Variants in PTPRD observed in about 807,000 individuals in gnomAD.
PTPRD encodes the protein protein tyrosine phosphatase receptor type D.
Under a neutral mutation model 214.5 loss-of-function variants are expected in PTPRD, and 34 were observed. That is an observed-to-expected ratio of 0.16 (90% CI 0.12 to 0.21). The LOEUF is 0.21. PTPRD is among the 10% of genes least tolerant of loss of function. The pLI is 1.00. For missense variants in PTPRD, 2,545 were observed against 2,398.7 expected (o/e 1.06, Z -1.27); for synonymous variants, 1,128 against 845.7 (o/e 1.33, Z -5.79).
At chr9:9,349,066 G>C (rs895256009) in intron 9 of PTPRD, among the ~76,000 whole-genome samples, 1 of 152,018 alleles carries the variant, frequency 6.6e-6, no homozygotes, top group Non-Finnish European at 1.5e-5. Flanking sequence ...GGGTATCATA[G>C]TGCCATTGTG....
At chr9:9,021,774 C>T (rs1224399972) in intron 10 of PTPRD, among the ~76,000 whole-genome samples, 1 of 151,432 alleles carries the variant, frequency 6.6e-6, no homozygotes, top group East Asian at 1.9e-4. Context: ...TTTAAGTACA[C>T]AAAAAATTTA....
chr9:10,096,524 G>A (rs1188008604), intron 3 of PTPRD, among the ~76,000 whole-genome samples: 1 of 151,860 alleles, frequency 6.6e-6, no homozygotes, highest in Non-Finnish European at 1.5e-5. Flanking sequence ...TCTTTTGGCT[G>A]CATAAATGTC....
chr9:10,449,630 G>A (rs2098825125), intron 2 of PTPRD, among the ~76,000 whole-genome samples: 1 of 151,128 alleles, frequency 6.6e-6, no homozygotes, highest in African/African-American at 2.4e-5. Context: ...GAGATGTGGG[G>A]AGCGCCTCTG....
chr9:10,497,501 G>C (rs541002699), intron 2 of PTPRD, among the ~76,000 whole-genome samples: 1 of 151,942 alleles, frequency 6.6e-6, no homozygotes, highest in Non-Finnish European at 1.5e-5. Context: ...TTAGTCATCT[G>C]GTTTTCAGAC....
chr9:9,266,947 C>T (rs1388854633), intron 9 of PTPRD, among the ~76,000 whole-genome samples: 1 of 150,738 alleles, frequency 6.6e-6, no homozygotes, highest in Non-Finnish European at 1.5e-5. Context: ...TAACAAATTT[C>T]AGAGCATAAA....
intron 14 of PTPRD, among the ~76,000 whole-genome samples, chr9:8,621,671 A>AGTGAG (rs1220977239): frequency 8.5e-4 from 129 of 151,964 alleles, no homozygotes; most frequent in Non-Finnish European, 1.7e-3. Flanking sequence ...TGTTAACTTT[A>AGTGAG]TTAACGCATC....
chr9:9,176,077 C>A (rs1460495453), intron 10 of PTPRD, among the ~76,000 whole-genome samples: 4 of 152,152 alleles, frequency 2.6e-5, no homozygotes, highest in African/African-American at 9.7e-5. Flanking sequence ...CACATTGCTA[C>A]TCTTATATTT....
At chr9:9,192,354 T>C (rs776655456) in intron 9 of PTPRD, among the ~76,000 whole-genome samples, 1 of 152,030 alleles carries the variant, frequency 6.6e-6, no homozygotes, top group African/African-American at 2.4e-5. Flanking sequence ...CAGTGAAGCA[T>C]GAGCCCCAAG....
Position 10,454,656 on chromosome 9 carries a change from C to T in PTPRD, c.-599-113639G>A, listed in dbSNP as rs79737441. On this transcript the variant is annotated intron_variant, in intron 2 of 45. Coordinates refer to ENST00000381196, the MANE Select transcript of PTPRD (RefSeq NM_002839.4). ...GTTCTTGCATCAGAATGTGTTCATC[C>T]TGAAATTATTCTTTGTGCTTCAATT... is the stretch of plus-strand genomic sequence containing the variant. 4.6e-3 allele frequency among the ~76,000 whole-genome samples: 691 copies of T among 151,790 alleles called. 4 individuals are homozygous for T. The highest frequency in any genetic ancestry group is 0.016 in the African/African-American group (653 of 41,496).
At chr9:9,770,624 A>G (rs918750823) in intron 5 of PTPRD, among the ~76,000 whole-genome samples, 2 of 152,070 alleles carry the variant, frequency 1.3e-5, no homozygotes, top group African/African-American at 4.8e-5. Flanking sequence ...TAATACTCAG[A>G]GTACTTAACC....
chr9:8,518,579 G>T, intron 20 of PTPRD, 150 bp from the exon 21 acceptor site: 1 of 614,528 alleles, frequency 1.6e-6, no homozygotes, highest in Non-Finnish European at 2.7e-6. Flanking sequence ...TTTCTGAATG[G>T]CCAAGAAGGA....
At chr9:10,338,684 CT>C (rs2096886493) in intron 3 of PTPRD, among the ~76,000 whole-genome samples, 1 of 151,654 alleles carries the variant, frequency 6.6e-6, no homozygotes, top group Admixed American at 6.6e-5. Context: ...CAAAGTGCTG[CT>C]TTCTTAGAAG....
intron 4 of PTPRD, among the ~76,000 whole-genome samples, chr9:10,032,587 C>G (rs2097103257): frequency 6.6e-6 from 1 of 152,164 alleles, no homozygotes. Flanking sequence ...GCCACATGTA[C>G]AAGCTTACTT....
In PTPRD at chr9:10,484,736, T is replaced by C. The variant is rs537859147; in HGVS notation, c.-600+127662A>G. Among the ~76,000 whole-genome samples, 234 of 152,198 alleles carry C rather than the reference T, an allele frequency of 1.5e-3. 1 individual carries two copies. Among genetic ancestry groups the C allele is most frequent in the Middle Eastern group, 6.8e-3 (2 of 294 alleles). Reference sequence around the variant, plus strand: ...GATTATTATATTTTTTCCTATATAGTTGTTTGAGCTCCTTATGTATTCTGG... The same window carrying C: ...GATTATTATATTTTTTCCTATATAGCTGTTTGAGCTCCTTATGTATTCTGG... On this transcript the variant is annotated intron_variant, in intron 2 of 45. Coordinates refer to ENST00000381196, the MANE Select transcript of PTPRD (RefSeq NM_002839.4).
At chr9:10,006,708 C>A (rs1426681463) in intron 4 of PTPRD, among the ~76,000 whole-genome samples, 2 of 151,878 alleles carry the variant, frequency 1.3e-5, no homozygotes, top group Non-Finnish European at 2.9e-5. Context: ...GGTAGGATTT[C>A]TTCTATGTTT....
chr9:8,768,453 G>A (rs1273170739), intron 11 of PTPRD, among the ~76,000 whole-genome samples: 1 of 152,164 alleles, frequency 6.6e-6, no homozygotes, highest in Non-Finnish European at 1.5e-5. Flanking sequence ...TCAGGAAGCT[G>A]AGAGGTGGAA....
chr9:9,115,861 A>C (rs561711358), intron 10 of PTPRD, among the ~76,000 whole-genome samples: 2 of 152,298 alleles, frequency 1.3e-5, no homozygotes, highest in South Asian at 4.1e-4. Context: ...TAGAAAATGT[A>C]TATACCCATC....
chr9:8,339,274 T>C (rs1390867143), intron 42 of PTPRD, among the ~76,000 whole-genome samples: 1 of 152,184 alleles, frequency 6.6e-6, no homozygotes, highest in African/African-American at 2.4e-5. Context: ...GCACGGTCTC[T>C]GGCAGATAGT....
chr9:8,521,174 G>A lies in PTPRD; in HGVS notation c.961+103C>T, dbSNP rs941653615. On this transcript the variant is annotated intron_variant, in intron 20 of 45. Transcript: ENST00000381196. Reference sequence around the variant, plus strand: ...AGGTTATACACACATTTAAAATGCTGAATAATGAATTATTTTAGATTTTCA... The same window carrying A: ...AGGTTATACACACATTTAAAATGCTAAATAATGAATTATTTTAGATTTTCA... 6.9e-6 allele frequency: 9 copies of A among 1,312,862 alleles called. No individual in the cohort carries two copies. In the African/African-American group the frequency reaches 1.2e-4, roughly 17 times the overall value. 81.3% of individuals were successfully genotyped at this position (1,312,862 alleles called of 1,614,324 possible).
Sources: allele counts gnomAD v4.1 joint callset (sites outside exome capture counted in the v4.1 genomes callset), GRCh38; gene constraint gnomAD v4.1.1; transcripts MANE v1.5; gene names NCBI Gene and HGNC (gene_info 2026-07-23, HGNC 2026-07-21).